The following RAMP1 variants were observed in gnomAD, a reference collection of about 807,000 sequenced individuals.
The protein encoded by RAMP1 is receptor activity modifying protein 1.
A neutral mutation model predicts 8.2 loss-of-function variants in RAMP1; 7 were observed. That is an observed-to-expected ratio of 0.85 (90% CI 0.49 to 1.60). The LOEUF (loss-of-function observed/expected upper bound fraction) is 1.60, where lower values mean the gene tolerates loss of function less well. Among genes scored for constraint, RAMP1 ranks in the 40% most tolerant of loss-of-function variants. RAMP1 has a pLI of 0.00. For missense variants in RAMP1, 192 were observed against 202.4 expected (o/e 0.95, Z 0.31); for synonymous variants, 92 against 84.7 (o/e 1.09, Z -0.47).
At chr2:237,887,129 C>T (rs2062442611) in intron 2 of RAMP1, among the ~76,000 whole-genome samples, 1 of 152,146 alleles carries the variant, frequency 6.6e-6, no homozygotes, top group East Asian at 1.9e-4. Flanking sequence ...GAAGATGTGC[C>T]CTTGTGTGTG....
At chr2:237,859,816 G>T in intron 1 of RAMP1, 89 bp downstream of exon 1, 1 of 1,092,840 alleles carries the variant, frequency 9.2e-7, no homozygotes. Context: ...GTGGGAGCGG[G>T]TGGGAGCGGG....
At chr2:237,900,371 G>A (rs1309298765) in intron 2 of RAMP1, among the ~76,000 whole-genome samples, 3 of 152,100 alleles carry the variant, frequency 2.0e-5, no homozygotes, top group Non-Finnish European at 2.9e-5. Flanking sequence ...ATGCTGCCCC[G>A]GCTGGTCTTG....
rs1413340735 is a variant in RAMP1 at position 237,878,192 on chromosome 2, G to T, written c.191+830G>T. 2 of 983,746 alleles carry T rather than the reference G, an allele frequency of 2.0e-6. No individual in the cohort carries two copies. Among genetic ancestry groups the T allele is most frequent in the Non-Finnish European group, 2.4e-6 (2 of 828,496 alleles). The allele number at this position is 983,746 out of a possible 1,614,324, so 60.9% of individuals were successfully genotyped here. A position where few individuals can be genotyped will look rare whatever the true frequency, so the allele number is the denominator to read the frequency against. On this transcript the variant is annotated intron_variant, in intron 2 of 2. Transcript: ENST00000254661. This position sits in a 1 kb window ranked among gnomAD's most constrained non-coding sequence, Gnocchi z 5.7. ...GCAAACTTCGCACAGAGATCTGTCTGTGGGTTCACAGCGCAGCGCAAGTCC... is the reference window on the plus strand; with the variant it reads ...GCAAACTTCGCACAGAGATCTGTCTTTGGGTTCACAGCGCAGCGCAAGTCC...
chr2:237,866,285 C>T (rs894393823), intron 1 of RAMP1, among the ~76,000 whole-genome samples: 1 of 152,028 alleles, frequency 6.6e-6, no homozygotes, highest in African/African-American at 2.4e-5. Context: ...AGCTGGTCAT[C>T]GCTGGGCTAA....
intron 1 of RAMP1, among the ~76,000 whole-genome samples, chr2:237,867,309 G>A (rs1354019357): frequency 6.6e-6 from 1 of 152,000 alleles, no homozygotes; most frequent in East Asian, 1.9e-4. Flanking sequence ...ATGTTGAGGA[G>A]GCCAAGAAGG....
At chr2:237,879,690 T>C (rs1178566681) in intron 2 of RAMP1, among the ~76,000 whole-genome samples, 1 of 132,036 alleles carries the variant, frequency 7.6e-6, no homozygotes, top group African/African-American at 2.9e-5. Flanking sequence ...CTTAAAGTAT[T>C]AAAAAAAAAA....
chr2:237,866,625 C>G (rs1358407041), intron 1 of RAMP1, among the ~76,000 whole-genome samples: 6 of 152,124 alleles, frequency 3.9e-5, no homozygotes, highest in South Asian at 2.1e-4. Context: ...CTTGACTCCC[C>G]CAAAGCTTAA....
chr2:237,873,708 C>A (rs1464213327), intron 1 of RAMP1, among the ~76,000 whole-genome samples: 1 of 152,194 alleles, frequency 6.6e-6, no homozygotes, highest in Non-Finnish European at 1.5e-5. Context: ...TGCAGTCACA[C>A]AGAGGAATGG....
chr2:237,887,105 G>A (rs1341058292), intron 2 of RAMP1, among the ~76,000 whole-genome samples: 2 of 152,166 alleles, frequency 1.3e-5, no homozygotes, highest in African/African-American at 4.8e-5. Context: ...GGGGTGGGGT[G>A]GGGGAGAGAG....
intron 2 of RAMP1, among the ~76,000 whole-genome samples, chr2:237,909,503 A>C (rs1234983876): frequency 6.6e-6 from 1 of 152,048 alleles, no homozygotes; most frequent in African/African-American, 2.4e-5. Flanking sequence ...GAAACGCCAG[A>C]GGGGCCTTTC....
chr2:237,898,448 G>C (rs1028030703), intron 2 of RAMP1, among the ~76,000 whole-genome samples: 1 of 152,100 alleles, frequency 6.6e-6, no homozygotes, highest in Admixed American at 6.5e-5. Flanking sequence ...TTTCCCTCAC[G>C]CGTGCTGCCA....
In RAMP1 at chr2:237,862,128, GT is replaced by G. The variant is rs1376729644; in HGVS notation, c.52+2408del. 6.6e-6 allele frequency among the ~76,000 whole-genome samples: 1 copy of G among 152,064 alleles called. No homozygotes were observed. Among genetic ancestry groups the G allele is most frequent in the Admixed American group, 6.5e-5 (1 of 15,268 alleles). ...CTTGGCTGTCACGTGGGAGCCAGGGGTTTTTTTAATGGCTGCAACATTAATT... is the reference window on the plus strand; with the variant it reads ...CTTGGCTGTCACGTGGGAGCCAGGGGTTTTTTAATGGCTGCAACATTAATT... On this transcript the variant is annotated intron_variant, in intron 1 of 2. Coordinates refer to ENST00000254661, the MANE Select transcript of RAMP1 (RefSeq NM_005855.4). The surrounding 1 kb of genome is among the most constrained non-coding windows in gnomAD (Gnocchi z 4.0).
chr2:237,909,231 G>A (rs1264598469), intron 2 of RAMP1, among the ~76,000 whole-genome samples: 3 of 152,150 alleles, frequency 2.0e-5, no homozygotes, highest in East Asian at 1.9e-4. Flanking sequence ...TGTGAGACCC[G>A]TGCAGTCACA....
At chr2:237,883,526 C>T (rs779543941) in intron 2 of RAMP1, among the ~76,000 whole-genome samples, 3 of 152,176 alleles carry the variant, frequency 2.0e-5, no homozygotes, top group Non-Finnish European at 2.9e-5. Context: ...GAATGGAAGA[C>T]TCCTCATGGC....
At chr2:237,911,389 G>A (rs2062710612) in intron 2 of RAMP1, 139 bp from the exon 3 acceptor site, 1 of 1,243,988 alleles carries the variant, frequency 8.0e-7, no homozygotes. Flanking sequence ...TGGATCCAGG[G>A]CCACTGCCTC....
chr2:237,909,382 T>C (rs1186425742), intron 2 of RAMP1, among the ~76,000 whole-genome samples: 2 of 151,962 alleles, frequency 1.3e-5, no homozygotes, highest in African/African-American at 4.8e-5. Flanking sequence ...CATGCAGGGG[T>C]ACCCAGTGGA....
chr2:237,884,758 C>T (rs2062409985), intron 2 of RAMP1, among the ~76,000 whole-genome samples: 1 of 152,192 alleles, frequency 6.6e-6, no homozygotes, highest in African/African-American at 2.4e-5. Flanking sequence ...CTAAAGCTTC[C>T]AGGTTTGTAA....
At chr2:237,885,658 G>C (rs2062420971) in intron 2 of RAMP1, among the ~76,000 whole-genome samples, 1 of 152,206 alleles carries the variant, frequency 6.6e-6, no homozygotes, top group Admixed American at 6.5e-5. Context: ...CATTGCCCAG[G>C]CCGAGGCCGC....
intron 2 of RAMP1, among the ~76,000 whole-genome samples, chr2:237,880,852 CCTAGA>C (rs1559942367): frequency 6.6e-6 from 1 of 152,178 alleles, no homozygotes; most frequent in Non-Finnish European, 1.5e-5. Flanking sequence ...CACAGTGACC[CCTAGA>C]CTAGTGTTTG....
Sources: gnomAD v4.1 joint callset for allele counts (sites outside exome capture counted in the v4.1 genomes callset) on GRCh38, gnomAD v4.1.1 for gene constraint, Gnocchi (gnomAD v3.1) non-coding constraint, MANE v1.5 for transcripts, NCBI Gene and HGNC (gene_info 2026-07-23, HGNC 2026-07-21) for gene names.